MRPL2: variants seen among roughly 807,000 people sequenced by gnomAD.
MRPL2 encodes the protein mitochondrial ribosomal protein L2.
MRPL2 carries 27 observed loss-of-function variants against 34.6 expected under a neutral mutation model. The ratio of observed to expected loss-of-function variants is 0.78; its 90% CI spans 0.58 to 1.08. The LOEUF is 1.08. Among genes scored for constraint, MRPL2 ranks in the 50% least tolerant of loss-of-function variants. The pLI is 0.00. For synonymous variants in MRPL2, 155 were observed against 158.0 expected, an observed-to-expected ratio of 0.98 and a Z score of 0.14; for missense variants, 414 against 419.3, an observed-to-expected ratio of 0.99 and a Z score of 0.11.
Position 43,058,223 on chromosome 6 carries a change from T to C in MRPL2, c.107A>G (p.Asn36Ser), listed in dbSNP as rs371759310. Residue 36 changes from asparagine (N) to serine (S), a missense_variant, in exon 2 of 7, where the codon AAT becomes AGT. Physicochemically the swap from Asn to Ser is conservative, Grantham distance 46 (BLOSUM62 1). Coordinates refer to ENST00000388752, the MANE Select transcript of MRPL2 (RefSeq NM_015950.5). ...GGCAGAGGGCTGTTGGAGGAGGCCATTGTTCATCATCTAGGGATAAAAAGA... is the reference window on the plus strand; with the variant it reads ...GGCAGAGGGCTGTTGGAGGAGGCCACTGTTCATCATCTAGGGATAAAAAGA... ...SLFPAAQMMN[N>S]GLLQQPSALM... The C allele has an allele frequency of 1.9e-6, 3 of 1,613,924 alleles. No homozygotes were observed. The highest frequency in any genetic ancestry group is 2.7e-5 in the African/African-American group (2 of 75,010).
chr6:43,056,915 C>T (rs1397038130), intron 2 of MRPL2, among the ~76,000 whole-genome samples: 7 of 152,210 alleles, frequency 4.6e-5, no homozygotes, highest in African/African-American at 1.7e-4. Flanking sequence ...CCTTGTGATC[C>T]GCCCACCTTG....
chr6:43,059,089 G>T (rs1764990215), intron 1 of MRPL2, 197 bp downstream of exon 1: 3 of 1,502,112 alleles, frequency 2.0e-6, no homozygotes, highest in Non-Finnish European at 2.7e-6. Context: ...TTCACCTTAA[G>T]TATCTCGTCT....
rs1233252456 is a variant in MRPL2, at chr6:43,058,198, G to A, written c.132C>T (p.Ala44=). 6.2e-7 allele frequency: 1 copy of A among 1,614,196 alleles called. No individual in the cohort carries two copies. ...MNNGLLQQPS[A]LMLLPCRPVL... Reference sequence around the variant, plus strand: ...CTGGGCGGCAGGGGAGCAACATCAAGGCAGAGGGCTGTTGGAGGAGGCCAT... The same window carrying A: ...CTGGGCGGCAGGGGAGCAACATCAAAGCAGAGGGCTGTTGGAGGAGGCCAT... Residue 44 remains alanine (A), a synonymous_variant, in exon 2 of 7, where the codon GCC becomes GCT. Coordinates refer to ENST00000388752, the MANE Select transcript of MRPL2 (RefSeq NM_015950.5).
At chr6:43,059,074 G>A in intron 1 of MRPL2, 1 of 1,450,548 alleles carries the variant, frequency 6.9e-7, no homozygotes, top group Non-Finnish European at 9.3e-7. Flanking sequence ...GATCTGCAAA[G>A]CACTTTCACC....
chr6:43,055,495 T>C, intron 6 of MRPL2, 50 bp downstream of exon 6: 1 of 1,576,494 alleles, frequency 6.3e-7, no homozygotes, highest in Middle Eastern at 1.7e-4. Context: ...GAAAGTTACA[T>C]TCCAAAAATT....
Position 43,054,063 on chromosome 6 carries a change from C to G in MRPL2, c.*211G>C, listed in dbSNP as rs1436905074. ...CGTCATTTATTTCCATCCCCGGCTC[C>G]ATTACTTGTAAGGGAATTGGGGTGG... is the stretch of plus-strand genomic sequence containing the variant. On this transcript the variant is annotated 3_prime_UTR_variant, in exon 7 of 7. Transcript: ENST00000388752. 1 of 640,468 alleles carries G rather than the reference C, an allele frequency of 1.6e-6. No individual in the cohort carries two copies. The highest frequency in any genetic ancestry group is 1.8e-5 in the African/African-American group (1 of 54,060). 39.7% of individuals were successfully genotyped at this position (640,468 alleles called of 1,614,324 possible).
rs1020032968 is a variant in MRPL2, at chr6:43,056,442, C to T, written c.269G>A (p.Arg90Gln). The change falls in exon 3 of 7, where the codon CGA becomes CAA. Residue 90 changes from arginine to glutamine, a missense_variant. Physicochemically the swap from Arg to Gln is conservative, Grantham distance 43. Transcript: ENST00000388752. Reference protein sequence around the residue: ...RKSGGRDHTGRIRVHGIGGGH... With the variant: ...RKSGGRDHTGQIRVHGIGGGH... Reference sequence around the variant, plus strand: ...CCCGCCAATACCATGCACCCGGATTCGGCCTGTGGTTTAGGACAGTTGGGG... The same window carrying T: ...CCCGCCAATACCATGCACCCGGATTTGGCCTGTGGTTTAGGACAGTTGGGG... The T allele has an allele frequency of 5.6e-6, 9 of 1,614,022 alleles. No homozygotes were observed. Among genetic ancestry groups the T allele is most frequent in the African/African-American group, 2.7e-5 (2 of 74,900 alleles).
Position 43,054,345 on chromosome 6 carries a change from C to T in MRPL2, c.847G>A (p.Gly283Ser), listed in dbSNP as rs1581978839. The change falls in exon 7 of 7, where the codon GGC (glycine) becomes AGC (serine). Residue 283 changes from glycine to serine, a missense_variant. Physicochemically the swap from Gly to Ser is moderately conservative, Grantham distance 56 (BLOSUM62 0). Coordinates refer to ENST00000388752, the MANE Select transcript of MRPL2 (RefSeq NM_015950.5). The stretch of plus-strand genomic sequence containing the variant: ...GGGGGTAGTGGCCGAATCTTTCGGC[C>T]AGCCCAGCCCCCCTTGCGGTGCCAC... ...GRWHRKGGWA[G>S]RKIRPLPPMK... 1.2e-6 allele frequency: 2 copies of T among 1,613,874 alleles called. No homozygotes were observed. Among genetic ancestry groups the T allele is most frequent in the African/African-American group, 1.3e-5 (1 of 74,896 alleles).
chr6:43,059,615 T>A (rs1387475505), upstream of MRPL2: 8 of 1,331,928 alleles, frequency 6.0e-6, no homozygotes, highest in Admixed American at 3.5e-5. Flanking sequence ...AACAATTGCC[T>A]CGAGCGGCAG....
At chr6:43,059,472 G>A (rs889067821), upstream of MRPL2, 1 of 1,456,034 alleles carries the variant, frequency 6.9e-7, no homozygotes, top group Non-Finnish European at 9.1e-7. Flanking sequence ...AACGTAAAAG[G>A]AGGCGGGCAG....
intron 1 of MRPL2, 83 bp downstream of exon 1, chr6:43,059,203 G>C: frequency 6.4e-7 from 1 of 1,550,750 alleles, no homozygotes; most frequent in Non-Finnish European, 8.7e-7. Context: ...GACCAGACTC[G>C]CAACTCCCGC....
chr6:43,058,532 T>C (rs1317684657), intron 1 of MRPL2, among the ~76,000 whole-genome samples: 1 of 152,250 alleles, frequency 6.6e-6, no homozygotes, highest in Non-Finnish European at 1.5e-5. Flanking sequence ...TCAGTGCCAA[T>C]TCCTTTTGCC....
chr6:43,054,214 C>CA lies in MRPL2; in HGVS notation c.*59dup. 7 of 1,184,010 alleles carry CA rather than the reference C, an allele frequency of 5.9e-6. No homozygotes were observed. Among genetic ancestry groups the CA allele is most frequent in the Non-Finnish European group, 8.2e-6 (7 of 853,088 alleles). 73.3% of individuals were successfully genotyped at this position (1,184,010 alleles called of 1,614,324 possible). ...CAAAAAAAACAAAAAACACCCAAAACAAAACCACAGTAACAGATTAAAACG... is the reference window on the plus strand; with the variant it reads ...CAAAAAAAACAAAAAACACCCAAAACAAAAACCACAGTAACAGATTAAAACG... On this transcript the variant is annotated 3_prime_UTR_variant, in exon 7 of 7. Transcript: ENST00000388752.
At chr6:43,058,531 A>G (rs1284259098) in intron 1 of MRPL2, among the ~76,000 whole-genome samples, 2 of 152,198 alleles carry the variant, frequency 1.3e-5, no homozygotes, top group African/African-American at 4.8e-5. Flanking sequence ...ATCAGTGCCA[A>G]TTCCTTTTGC....
chr6:43,057,966 T>C, intron 2 of MRPL2, 99 bp downstream of exon 2: 1 of 1,368,562 alleles, frequency 7.3e-7, no homozygotes. Flanking sequence ...TTAATTACAT[T>C]CCTCTGCCTT....
intron 1 of MRPL2, chr6:43,058,885 G>A: frequency 2.1e-6 from 1 of 478,282 alleles, no homozygotes; most frequent in Non-Finnish European, 3.7e-6. Context: ...AAGACAGACT[G>A]TTTAGCTCTG....
In MRPL2 at chr6:43,056,435, C is replaced by T. The variant is rs1269831742; in HGVS notation, c.276G>A (p.Arg92=). The part of the protein sequence containing the change: ...SGGRDHTGRI[R]VHGIGGGHKQ... ...TGTGGCCCCCGCCAATACCATGCACCCGGATTCGGCCTGTGGTTTAGGACA... is the reference window on the plus strand; with the variant it reads ...TGTGGCCCCCGCCAATACCATGCACTCGGATTCGGCCTGTGGTTTAGGACA... The change falls in exon 3 of 7, where the codon CGG becomes CGA. Residue 92 remains arginine, a synonymous_variant. Coordinates refer to ENST00000388752, the MANE Select transcript of MRPL2 (RefSeq NM_015950.5). The T allele has an allele frequency of 4.3e-6, 7 of 1,614,000 alleles. No individual in the cohort carries two copies. Among genetic ancestry groups the T allele is most frequent in the East Asian group, 2.2e-5 (1 of 44,888 alleles).
At chr6:43,059,196 C>G (rs1370518028) in intron 1 of MRPL2, 90 bp downstream of exon 1, 1 of 1,550,788 alleles carries the variant, frequency 6.4e-7, no homozygotes, top group Admixed American at 2.0e-5. Context: ...GACTCCTGAC[C>G]AGACTCGCAA....
Position 43,054,248 on chromosome 6 carries a change from G to C in MRPL2, c.*26C>G, listed in dbSNP as rs752865402. 1.2e-5 allele frequency: 17 copies of C among 1,391,442 alleles called. No individual in the cohort carries two copies. The highest frequency in any genetic ancestry group is 1.7e-5 in the Non-Finnish European group (17 of 1,019,066). The allele number at this position is 1,391,442 out of a possible 1,614,324, so 86.2% of individuals were successfully genotyped here. A position where few individuals can be genotyped will look rare whatever the true frequency, so the allele number is the denominator to read the frequency against. On this transcript the variant is annotated 3_prime_UTR_variant, in exon 7 of 7. Coordinates refer to ENST00000388752, the MANE Select transcript of MRPL2 (RefSeq NM_015950.5). The stretch of plus-strand genomic sequence containing the variant: ...AGTAACAGATTAAAACGGGGGGGGG[G>C]GGCATTTTATTAGAGTACAGGGATA...
Sources: allele counts gnomAD v4.1 joint callset (sites outside exome capture counted in the v4.1 genomes callset), GRCh38; gene constraint gnomAD v4.1.1; transcripts MANE v1.5; gene names NCBI Gene and HGNC (gene_info 2026-07-23, HGNC 2026-07-21).